MAFB: variants seen among roughly 807,000 people sequenced by gnomAD.
MAFB encodes MAF bZIP transcription factor B.
A neutral mutation model predicts 17.7 loss-of-function variants in MAFB; 3 were observed. The ratio of observed to expected loss-of-function variants is 0.17; its 90% CI spans 0.08 to 0.44. The LOEUF is 0.44. Among genes scored for constraint, MAFB ranks in the 20% least tolerant of loss-of-function variants. MAFB has a pLI of 0.99. For synonymous variants in MAFB, 214 were observed against 211.5 expected, an observed-to-expected ratio of 1.01 and a Z score of -0.10; for missense variants, 355 against 461.3, an observed-to-expected ratio of 0.77 and a Z score of 2.11.
rs1182567121 is a variant in MAFB, at chr20:40,688,224, G to A, written c.627C>T (p.Asp209=). Residue 209 remains aspartate (D), a synonymous_variant, in exon 1 of 1, where the codon GAC becomes GAT. Coordinates refer to ENST00000373313, the MANE Select transcript of MAFB (RefSeq NM_005461.5). ...ACACGAGCTGGTCGTCGGAGAAGCG[G>A]TCCTCCACGCTGCCGTTGCCGCCCG... ...TAAGGNGSVE[D]RFSDDQLVSM... 11 of 1,578,052 alleles carry A rather than the reference G, an allele frequency of 7.0e-6. No homozygotes were observed. Among genetic ancestry groups the A allele is most frequent in the Admixed American group, 1.8e-5 (1 of 56,714 alleles).
In MAFB at chr20:40,686,399, G is replaced by T; in HGVS notation, c.*1480C>A. 1 of 290,712 alleles carries T rather than the reference G, an allele frequency of 3.4e-6. No homozygotes were observed. The highest frequency in any genetic ancestry group is 6.3e-6 in the Non-Finnish European group (1 of 158,034). The allele number at this position is 290,712 out of a possible 1,614,324, so 18.0% of individuals were successfully genotyped here. A position where few individuals can be genotyped will look rare whatever the true frequency, so the allele number is the denominator to read the frequency against. On this transcript the variant is annotated 3_prime_UTR_variant, in exon 1 of 1. Transcript: ENST00000373313. The stretch of plus-strand genomic sequence containing the variant: ...AAGAACTCTTCCTACTATCTCAAAA[G>T]CAGGGAAAGAAACGCAATGCATTGG...
At position 40,687,051 on chromosome 20, in the gene MAFB, C is replaced by T. The variant is rs1463344971; in HGVS notation, c.*828G>A. 5.0e-5 allele frequency: 20 copies of T among 398,500 alleles called. No homozygotes were observed. The Admixed American group carries it at 5.3e-4, about 11-fold the overall frequency. 24.7% of individuals were successfully genotyped at this position (398,500 alleles called of 1,614,324 possible). On this transcript the variant is annotated 3_prime_UTR_variant, in exon 1 of 1. Transcript: ENST00000373313. ...ACGTTCTCTATGCGGTTTGGCGGGG[C>T]GGGTATTTACAAGCCTACAGCTGGG...
chr20:40,687,859 G>C lies in MAFB; in HGVS notation c.*20C>G. The C allele has an allele frequency of 6.2e-7, 1 of 1,603,576 alleles. No individual in the cohort carries two copies. The highest frequency in any genetic ancestry group is 2.2e-5 in the East Asian group (1 of 44,834). On this transcript the variant is annotated 3_prime_UTR_variant, in exon 1 of 1. Coordinates refer to ENST00000373313, the MANE Select transcript of MAFB (RefSeq NM_005461.5). ...GGAGTCCGGGCCGGGGCAAGGGCGG[G>C]GGCCAGGACCGGCCACGACTCACAG...
Position 40,688,641 on chromosome 20 carries a change from C to T in MAFB, c.210G>A (p.Ser70=). Residue 70 remains serine, a synonymous_variant, in exon 1 of 1, where the codon TCG becomes TCA. Coordinates refer to ENST00000373313, the MANE Select transcript of MAFB (RefSeq NM_005461.5). ...LSTPCSSVPS[S]PSFSPTEQKT... is the part of the protein sequence containing the mutation. ...TCTGTTCGGTCGGGCTGAAGCTGGG[C>T]GACGAGGGCACGGAGCTACACGGAG... 1 of 1,614,046 alleles carries T rather than the reference C, an allele frequency of 6.2e-7. No homozygotes were observed. The highest frequency in any genetic ancestry group is 8.5e-7 in the Non-Finnish European group (1 of 1,179,944).
In MAFB at chr20:40,688,301, G is replaced by T; in HGVS notation, c.550C>A (p.Pro184Thr). 2 of 1,525,076 alleles carry T rather than the reference G, an allele frequency of 1.3e-6. No individual in the cohort carries two copies. Among genetic ancestry groups the T allele is most frequent in the Admixed American group, 2.2e-5 (1 of 46,350 alleles). The allele number at this position is 1,525,076 out of a possible 1,614,324, so 94.5% of individuals were successfully genotyped here. ...GGCCCGGGCCCGGGGTGGCTAGTGG[G>T]CAGCTGTTGCGCCGGGCTAGCGGCG... ...SSAASPAQQL[P>T]TSHPGPGPHA... The change falls in exon 1 of 1, where the codon CCC (proline) becomes ACC (threonine). Residue 184 changes from proline (P) to threonine (T), a missense_variant. Pro to Thr is a conservative substitution (Grantham distance 38). Coordinates refer to ENST00000373313, the MANE Select transcript of MAFB (RefSeq NM_005461.5).
Position 40,688,890 on chromosome 20 carries a change from CTT to C in MAFB, c.-42_-41del. 1 of 1,558,260 alleles carries C rather than the reference CTT, an allele frequency of 6.4e-7. No individual in the cohort carries two copies. Among genetic ancestry groups the C allele is most frequent in the Non-Finnish European group, 8.6e-7 (1 of 1,156,336 alleles). On this transcript the variant is annotated 5_prime_UTR_variant, in exon 1 of 1. Coordinates refer to ENST00000373313, the MANE Select transcript of MAFB (RefSeq NM_005461.5). ...GCAGCCGCCGCTGCCGCCCGGGAAACTTTGCGGCCGGCCGGAGCGCGCCGAGC... is the reference window on the plus strand; with the variant it reads ...GCAGCCGCCGCTGCCGCCCGGGAAACTGCGGCCGGCCGGAGCGCGCCGAGC...
chr20:40,686,921 T>A lies in MAFB; in HGVS notation c.*958A>T, dbSNP rs1033821682. On this transcript the variant is annotated 3_prime_UTR_variant, in exon 1 of 1. Coordinates refer to ENST00000373313, the MANE Select transcript of MAFB (RefSeq NM_005461.5). Reference sequence around the variant, plus strand: ...AAGTGTGCCCCAAGACAAAGTTGTTTTCTGATGCAAAATGCCCGGAACTTT... The same window carrying A: ...AAGTGTGCCCCAAGACAAAGTTGTTATCTGATGCAAAATGCCCGGAACTTT... The A allele has an allele frequency of 1.0e-5, 4 of 398,424 alleles. No individual in the cohort carries two copies. The Admixed American group carries it at 1.3e-4, about 13-fold the overall frequency. The allele number at this position is 398,424 out of a possible 1,614,324, so 24.7% of individuals were successfully genotyped here. A position where few individuals can be genotyped will look rare whatever the true frequency, so the allele number is the denominator to read the frequency against.
Position 40,686,399 on chromosome 20 carries a change from G to A in MAFB, c.*1480C>T, listed in dbSNP as rs1202267091. On this transcript the variant is annotated 3_prime_UTR_variant, in exon 1 of 1. Coordinates refer to ENST00000373313, the MANE Select transcript of MAFB (RefSeq NM_005461.5). The stretch of plus-strand genomic sequence containing the variant: ...AAGAACTCTTCCTACTATCTCAAAA[G>A]CAGGGAAAGAAACGCAATGCATTGG... 6.9e-6 allele frequency: 2 copies of A among 290,712 alleles called. No homozygotes were observed. The highest frequency in any genetic ancestry group is 1.3e-5 in the Non-Finnish European group (2 of 158,034). 18.0% of individuals were successfully genotyped at this position (290,712 alleles called of 1,614,324 possible). A position where few individuals can be genotyped will look rare whatever the true frequency, so the allele number is the denominator to read the frequency against.
At position 40,688,150 on chromosome 20, in the gene MAFB, T is replaced by C. The variant is rs1440096426; in HGVS notation, c.701A>G (p.Asp234Gly). 1 of 1,611,808 alleles carries C rather than the reference T, an allele frequency of 6.2e-7. No homozygotes were observed. The highest frequency in any genetic ancestry group is 1.1e-5 in the South Asian group (1 of 90,960). ...LNRHLRGFTK[D>G]EVIRLKQKRR... is the part of the protein sequence containing the mutation. ...CTTCTGCTTCAGGCGGATCACCTCG[T>C]CCTTGGTGAAGCCCCGCAGGTGGCG... Residue 234 changes from aspartate (D) to glycine (G), a missense_variant, in exon 1 of 1, where the codon GAC (aspartate) becomes GGC (glycine). Transcript: ENST00000373313.
Position 40,687,271 on chromosome 20 carries a change from T to C in MAFB, c.*608A>G. 2.5e-6 allele frequency: 1 copy of C among 398,512 alleles called. No homozygotes were observed. The highest frequency in any genetic ancestry group is 3.6e-5 in the East Asian group (1 of 28,078). 24.7% of individuals were successfully genotyped at this position (398,512 alleles called of 1,614,324 possible). On this transcript the variant is annotated 3_prime_UTR_variant, in exon 1 of 1. Transcript: ENST00000373313. ...AATGCAGATTTTTTGTATTTTTCTA[T>C]ATAATCGAGCAGGCAATAAAACTGA...
At position 40,689,091 on chromosome 20, in the gene MAFB, G is replaced by C. The variant is rs1466842434; in HGVS notation, c.-241C>G. On this transcript the variant is annotated 5_prime_UTR_variant, in exon 1 of 1. Transcript: ENST00000373313. ...TGTGCCCGCGCAGGGACCGGGCCGG[G>C]TAGAGTCGGGCGGGGTGGAGAGGCA... is the stretch of plus-strand genomic sequence containing the variant. The C allele has an allele frequency of 4.0e-6, 2 of 499,278 alleles. No individual in the cohort carries two copies. The highest frequency in any genetic ancestry group is 2.0e-5 in the African/African-American group (1 of 49,370). The allele number at this position is 499,278 out of a possible 1,614,324, so 30.9% of individuals were successfully genotyped here. A position where few individuals can be genotyped will look rare whatever the true frequency, so the allele number is the denominator to read the frequency against.
At position 40,687,171 on chromosome 20, in the gene MAFB, CTAAAGT is replaced by C. The variant is rs1483902251; in HGVS notation, c.*702_*707del. The C allele has an allele frequency of 2.5e-6, 1 of 398,874 alleles. No individual in the cohort carries two copies. The highest frequency in any genetic ancestry group is 3.6e-5 in the East Asian group (1 of 28,082). The allele number at this position is 398,874 out of a possible 1,614,324, so 24.7% of individuals were successfully genotyped here. ...AGTATGATCCATGATCAACAACATGCTAAAGTTAAACAAGAAAATGGTACAAAATAG... is the reference window on the plus strand; with the variant it reads ...AGTATGATCCATGATCAACAACATGCTAAACAAGAAAATGGTACAAAATAG... On this transcript the variant is annotated 3_prime_UTR_variant, in exon 1 of 1. Coordinates refer to ENST00000373313, the MANE Select transcript of MAFB (RefSeq NM_005461.5).
Position 40,687,912 on chromosome 20 carries a change from G to A in MAFB, c.939C>T (p.Ser313=). The part of the protein sequence containing the change: ...NSGFREAGST[S]DSPSSPEFFL ...AGAACTCGGGAGAGGAGGGGCTGTC[G>A]CTGGTGGAGCCCGCCTCCCTGAAGC... is the stretch of plus-strand genomic sequence containing the variant. The change falls in exon 1 of 1, where the codon AGC becomes AGT. Residue 313 remains serine, a synonymous_variant. Transcript: ENST00000373313. 6.2e-7 allele frequency: 1 copy of A among 1,612,472 alleles called. No individual in the cohort carries two copies. The highest frequency in any genetic ancestry group is 8.5e-7 in the Non-Finnish European group (1 of 1,180,036).
chr20:40,689,126 C>T lies in MAFB; in HGVS notation c.-276G>A, dbSNP rs1986918974. 3 of 424,744 alleles carry T rather than the reference C, an allele frequency of 7.1e-6. No individual in the cohort carries two copies. Among genetic ancestry groups the T allele is most frequent in the Non-Finnish European group, 8.2e-6 (2 of 243,486 alleles). The allele number at this position is 424,744 out of a possible 1,614,324, so 26.3% of individuals were successfully genotyped here. On this transcript the variant is annotated 5_prime_UTR_variant, in exon 1 of 1. Transcript: ENST00000373313. ...GCGGGGTGGAGAGGCAAGCGGAGCG[C>T]GCGGTGGGGCTGAGGGGAGGCGTGG...
At position 40,688,521 on chromosome 20, in the gene MAFB, C is replaced by T. The variant is rs1488587947; in HGVS notation, c.330G>A (p.Ala110=). 6.2e-7 allele frequency: 1 copy of T among 1,613,480 alleles called. No homozygotes were observed. The highest frequency in any genetic ancestry group is 1.1e-5 in the South Asian group (1 of 91,088). ...LNLTPEDAVE[A]LIGSHPVPQP... The stretch of plus-strand genomic sequence containing the variant: ...GTGGCACTGGGTGCGAGCCGATGAG[C>T]GCTTCCACCGCGTCCTCGGGCGTCA... The change falls in exon 1 of 1, where the codon GCG becomes GCA. Residue 110 remains alanine, a synonymous_variant. Coordinates refer to ENST00000373313, the MANE Select transcript of MAFB (RefSeq NM_005461.5).
In MAFB at chr20:40,688,979, C is replaced by T. The variant is rs1339547775; in HGVS notation, c.-129G>A. 1.5e-5 allele frequency: 20 copies of T among 1,296,294 alleles called. No homozygotes were observed. Among genetic ancestry groups the T allele is most frequent in the South Asian group, 1.8e-5 (1 of 55,124 alleles). The allele number at this position is 1,296,294 out of a possible 1,614,324, so 80.3% of individuals were successfully genotyped here. A position where few individuals can be genotyped will look rare whatever the true frequency, so the allele number is the denominator to read the frequency against. On this transcript the variant is annotated 5_prime_UTR_variant, in exon 1 of 1. Transcript: ENST00000373313. ...GGCGGGGAGCGAGGGCGCAGCGGGC[C>T]GGGGCCGCCGGCCAAGCCTTTGTCT...
rs1234363023 is a variant in MAFB, at chr20:40,688,918, C to T, written c.-68G>A. 6.6e-7 allele frequency: 1 copy of T among 1,515,232 alleles called. No homozygotes were observed. The highest frequency in any genetic ancestry group is 2.3e-5 in the East Asian group (1 of 42,812). The allele number at this position is 1,515,232 out of a possible 1,614,324, so 93.9% of individuals were successfully genotyped here. ...TGCGGCCGGCCGGAGCGCGCCGAGC[C>T]AAGCGCGGGGGGGAAGAGCGGAGAA... On this transcript the variant is annotated 5_prime_UTR_variant, in exon 1 of 1. Transcript: ENST00000373313.
In MAFB at chr20:40,686,788, G is replaced by A. The variant is rs1054930793; in HGVS notation, c.*1091C>T. On this transcript the variant is annotated 3_prime_UTR_variant, in exon 1 of 1. Coordinates refer to ENST00000373313, the MANE Select transcript of MAFB (RefSeq NM_005461.5). ...CCTGCCCTGCCCTGCCCTTGTACTG[G>A]GACCTCTCGGTTCTCTCTCTCAGCA... 1 of 398,616 alleles carries A rather than the reference G, an allele frequency of 2.5e-6. No individual in the cohort carries two copies. Among genetic ancestry groups the A allele is most frequent in the Non-Finnish European group, 4.4e-6 (1 of 226,074 alleles). The allele number at this position is 398,616 out of a possible 1,614,324, so 24.7% of individuals were successfully genotyped here.
chr20:40,686,571 C>T lies in MAFB; in HGVS notation c.*1308G>A, dbSNP rs984529526. On this transcript the variant is annotated 3_prime_UTR_variant, in exon 1 of 1. Transcript: ENST00000373313. ...ATGGCTAAGCCTCTCACCCTAGGAG[C>T]GCTGTGGCTCCTACAATTAGCGCAG... 3 of 397,370 alleles carry T rather than the reference C, an allele frequency of 7.5e-6. No individual in the cohort carries two copies. The highest frequency in any genetic ancestry group is 1.3e-5 in the Non-Finnish European group (3 of 225,900). 24.6% of individuals were successfully genotyped at this position (397,370 alleles called of 1,614,324 possible). A position where few individuals can be genotyped will look rare whatever the true frequency, so the allele number is the denominator to read the frequency against.
Sources: allele counts gnomAD v4.1 joint callset, GRCh38; gene constraint gnomAD v4.1.1; transcripts MANE v1.5; gene names NCBI Gene and HGNC (gene_info 2026-07-23, HGNC 2026-07-21).